The following SMS variants were observed in gnomAD, a reference collection of about 807,000 sequenced individuals.
SMS encodes spermine synthase.
In SMS, 3 loss-of-function variants were observed where a neutral mutation model predicts 33.0. That is an observed-to-expected ratio of 0.09 (90% confidence interval 0.04 to 0.23). The LOEUF (loss-of-function observed/expected upper bound fraction) is 0.23. Ranked by LOEUF, SMS falls within the 10% of genes least tolerant of loss-of-function variation. SMS has a pLI of 1.00. For synonymous variants in SMS, 103 were observed against 112.2 expected (o/e 0.92, Z 0.52); for missense variants, 117 against 288.6 (o/e 0.41, Z 4.31).
Position 21,962,304 on chromosome X carries a change from A to G in SMS, c.50-4892A>G, listed in dbSNP as rs150000364. On this transcript the variant is annotated intron_variant, in intron 1 of 10. Coordinates refer to ENST00000404933, the MANE Select transcript of SMS (RefSeq NM_004595.5). ...TTTGTTGGGTCATTTTACAAGTTCC[A>G]TACTAGACAGGCATAAAGGTTGAAA... Among the ~76,000 whole-genome samples the G allele has an allele frequency of 9.7e-3, 1,095 of 112,368 alleles. 3 individuals carry two copies. Among genetic ancestry groups the G allele is most frequent in the Non-Finnish European group, 0.015 (824 of 53,271 alleles).
intron 1 of SMS, among the ~76,000 whole-genome samples, chrX:21,960,520 T>C (rs1923269600): frequency 9.0e-6 from 1 of 111,609 alleles, no homozygotes; most frequent in Admixed American, 9.5e-5. Flanking sequence ...ATGAAAACAT[T>C]TTATTCATTT....
At position 21,978,930 on chromosome X, in the gene SMS, C is replaced by T. The variant is rs760174828; in HGVS notation, c.714C>T (p.Gly238=). The T allele has an allele frequency of 4.3e-5, 52 of 1,203,090 alleles. No individual in the cohort carries two copies. In the Admixed American group the frequency reaches 5.5e-4, roughly 13 times the overall value. The part of the protein sequence containing the change: ...GCKKYMRKTC[G]DVLDNLKGDC... ...AGAAATACATGCGAAAAACGTGTGG[C>T]GATGTCTTAGACAATCTTAAAGGAG... The change falls in exon 7 of 11, where the codon GGC becomes GGT. Residue 238 remains glycine (G), a synonymous_variant. Transcript: ENST00000404933.
chrX:21,984,068 C>A (rs935967980), intron 7 of SMS, among the ~76,000 whole-genome samples: 1 of 110,946 alleles, frequency 9.0e-6, no homozygotes, highest in Non-Finnish European at 1.9e-5. Flanking sequence ...ATAATAGTGC[C>A]TCTAGGATTG....
chrX:21,943,136 C>T (rs905985785), intron 1 of SMS, among the ~76,000 whole-genome samples: 2 of 111,902 alleles, frequency 1.8e-5, no homozygotes, highest in African/African-American at 6.5e-5. Flanking sequence ...CATGAGCCAC[C>T]GTGCCGGTGT....
chrX:21,966,379 A>G (rs1923721664), intron 1 of SMS, among the ~76,000 whole-genome samples: 2 of 112,285 alleles, frequency 1.8e-5, no homozygotes, highest in South Asian at 7.3e-4. Flanking sequence ...ATAGAACTAG[A>G]GAAGAAAAAA....
intron 9 of SMS, among the ~76,000 whole-genome samples, chrX:21,991,016 C>T (rs1183923728): frequency 3.6e-5 from 4 of 112,139 alleles, no homozygotes; most frequent in Non-Finnish European, 5.6e-5. Context: ...AAGTTAAAAC[C>T]ACCAAGGCCA....
chrX:21,976,456 A>G (rs959043381), intron 4 of SMS, among the ~76,000 whole-genome samples: 1 of 111,291 alleles, frequency 9.0e-6, no homozygotes, highest in African/African-American at 3.3e-5. Flanking sequence ...GATTCTAACC[A>G]TGAAGAGTGA....
intron 7 of SMS, among the ~76,000 whole-genome samples, chrX:21,981,087 G>A (rs1486700621): frequency 9.0e-6 from 1 of 111,593 alleles, no homozygotes; most frequent in Non-Finnish European, 1.9e-5. Context: ...TTGGGAGGCC[G>A]AGGTGGGTGG....
intron 5 of SMS, among the ~76,000 whole-genome samples, 187 bp downstream of exon 5, chrX:21,977,423 G>A (rs1569351318): frequency 9.0e-6 from 1 of 111,428 alleles, no homozygotes; most frequent in Non-Finnish European, 1.9e-5. Flanking sequence ...ACTTTGTCTT[G>A]ACATTGCTTC....
intron 1 of SMS, among the ~76,000 whole-genome samples, chrX:21,945,729 A>C (rs1276125789): frequency 9.9e-6 from 1 of 100,982 alleles, no homozygotes; most frequent in African/African-American, 3.7e-5. Flanking sequence ...GGTTCAAGCT[A>C]TTCTCCTGTC....
chrX:21,994,169 A>G (rs1300897396), intron 10 of SMS, 143 bp from the exon 11 acceptor site: 3 of 586,092 alleles, frequency 5.1e-6, no homozygotes, highest in Non-Finnish European at 8.6e-6. Context: ...GGCCTTATTC[A>G]AAGTCCTTCG....
At position 21,940,744 on chromosome X, in the gene SMS, C is replaced by T. The variant is rs2147479479; in HGVS notation, c.-81C>T. 2.4e-6 allele frequency: 2 copies of T among 839,935 alleles called. No homozygotes were observed. Among genetic ancestry groups the T allele is most frequent in the South Asian group, 2.2e-5 (1 of 44,866 alleles). The allele number at this position is 839,935 out of a possible 1,213,427, so 69.2% of individuals were successfully genotyped here. On this transcript the variant is annotated 5_prime_UTR_variant, in exon 1 of 11. Coordinates refer to ENST00000404933, the MANE Select transcript of SMS (RefSeq NM_004595.5). ...TCCCCGGGCGCAGCACACTCCCAGCCGGCCGCAGCCTGACACGCCGCGCGG... is the reference window on the plus strand; with the variant it reads ...TCCCCGGGCGCAGCACACTCCCAGCTGGCCGCAGCCTGACACGCCGCGCGG...
intron 7 of SMS, among the ~76,000 whole-genome samples, chrX:21,980,431 T>A (rs58618064): frequency 0.26 from 12,523 of 48,488 alleles, 2,459 homozygotes; most frequent in African/African-American, 0.56. Flanking sequence ...AAAAAAAAAA[T>A]ATATATATAT....
chrX:21,943,203 ACT>A (rs3841770), intron 1 of SMS, among the ~76,000 whole-genome samples: 23,392 of 110,162 alleles, frequency 0.21, 1,872 homozygotes, highest in Admixed American at 0.33. Flanking sequence ...GAGCCCAAAG[ACT>A]CTGGCACTTC....
intron 2 of SMS, among the ~76,000 whole-genome samples, chrX:21,969,546 C>T (rs921527762): frequency 4.5e-5 from 5 of 111,670 alleles, no homozygotes; most frequent in Admixed American, 1.9e-4. Context: ...CAAATTGGAA[C>T]TCATCATCCA....
At chrX:21,983,398 A>G (rs1331105195) in intron 7 of SMS, among the ~76,000 whole-genome samples, 1 of 56,040 alleles carries the variant, frequency 1.8e-5, no homozygotes, top group Non-Finnish European at 3.9e-5. Flanking sequence ...CTTTTACTTA[A>G]TGTATTTTTT....
chrX:21,978,238 AACAG>A (rs1164824096), intron 6 of SMS, 124 bp downstream of exon 6: 2 of 659,166 alleles, frequency 3.0e-6, no homozygotes, highest in African/African-American at 2.2e-5. Context: ...GACTGCCTTG[AACAG>A]ACAATTTAGT....
At chrX:21,958,575 A>G (rs1305912247) in intron 1 of SMS, among the ~76,000 whole-genome samples, 1 of 112,604 alleles carries the variant, frequency 8.9e-6, no homozygotes, top group South Asian at 3.6e-4. Context: ...CATCACCTCA[A>G]AAACAAACCC....
intron 5 of SMS, 125 bp from the exon 6 acceptor site, chrX:21,977,835 A>C (rs1924633183): frequency 4.3e-6 from 3 of 705,781 alleles, no homozygotes; most frequent in East Asian, 3.2e-5. Flanking sequence ...AATTGTTCAC[A>C]GTTTTAAAAA....
Sources: gnomAD v4.1 joint callset for allele counts (sites outside exome capture counted in the v4.1 genomes callset) on GRCh38, gnomAD v4.1.1 for gene constraint, MANE v1.5 for transcripts, NCBI Gene and HGNC (gene_info 2026-07-23, HGNC 2026-07-21) for gene names.